SAMMSON: variants seen among roughly 807,000 people sequenced by gnomAD.
The protein encoded by SAMMSON is survival associated mitochondrial melanoma specific oncogenic non-coding RNA.
chr3:70,016,090 T>G (rs191464589), intron 3 of SAMMSON, among the ~76,000 whole-genome samples: 371 of 152,284 alleles, frequency 2.4e-3, no homozygotes, highest in Non-Finnish European at 4.4e-3. Flanking sequence ...GTAATGGGAT[T>G]GCTGGGTCAA....
chr3:70,320,385 A>G (rs1308591946), intron 7 of SAMMSON, among the ~76,000 whole-genome samples: 1 of 152,060 alleles, frequency 6.6e-6, no homozygotes, highest in Non-Finnish European at 1.5e-5. Context: ...CCTCTTTTTT[A>G]AGCTAGAAAA....
At chr3:70,035,314 A>C (rs2067081315) in intron 3 of SAMMSON, among the ~76,000 whole-genome samples, 2 of 152,102 alleles carry the variant, frequency 1.3e-5, no homozygotes, top group Non-Finnish European at 2.9e-5. Context: ...TTTCACACTG[A>C]AAATCTATTT....
At chr3:70,062,490 T>C (rs550896534) in intron 3 of SAMMSON, among the ~76,000 whole-genome samples, 98 of 152,128 alleles carry the variant, frequency 6.4e-4, no homozygotes, top group Non-Finnish European at 1.3e-3. Flanking sequence ...CTCACTGTTC[T>C]ATCCTCAGGC....
At chr3:70,412,703 A>G (rs1701229847) in intron 2 of SAMMSON, among the ~76,000 whole-genome samples, 1 of 152,168 alleles carries the variant, frequency 6.6e-6, no homozygotes, top group Non-Finnish European at 1.5e-5. Context: ...AGATGGAAAT[A>G]GTTGGTAGAT....
intron 9 of SAMMSON, among the ~76,000 whole-genome samples, chr3:70,382,059 A>G (rs1350301527): frequency 2.0e-5 from 3 of 152,166 alleles, no homozygotes; most frequent in Non-Finnish European, 2.9e-5. Context: ...ATTTAGAAAT[A>G]AAATAGCGTG....
chr3:70,420,427 T>C (rs1050086902), intron 2 of SAMMSON, among the ~76,000 whole-genome samples: 1 of 152,208 alleles, frequency 6.6e-6, no homozygotes, highest in African/African-American at 2.4e-5. Flanking sequence ...AAAGTGACTG[T>C]CTCATAGTGT....
chr3:70,062,106 A>G (rs2067192813), intron 3 of SAMMSON, among the ~76,000 whole-genome samples: 1 of 152,034 alleles, frequency 6.6e-6, no homozygotes, highest in South Asian at 2.1e-4. Context: ...AGCACATTGC[A>G]ACCCCATAGT....
chr3:70,382,622 A>G (rs1300568629), intron 9 of SAMMSON, among the ~76,000 whole-genome samples: 1 of 152,114 alleles, frequency 6.6e-6, no homozygotes, highest in Non-Finnish European at 1.5e-5. Flanking sequence ...ATTTTTTTCA[A>G]GCAGATAGCA....
chr3:70,119,127 C>T (rs932144345), intron 4 of SAMMSON, among the ~76,000 whole-genome samples: 10 of 152,168 alleles, frequency 6.6e-5, no homozygotes, highest in South Asian at 4.2e-4. Flanking sequence ...AGTGCCATGG[C>T]GTGATGTCGG....
At chr3:70,104,780 G>A (rs2067360663) in intron 4 of SAMMSON, among the ~76,000 whole-genome samples, 1 of 152,126 alleles carries the variant, frequency 6.6e-6, no homozygotes, top group Admixed American at 6.5e-5. Flanking sequence ...CTATGTGTGG[G>A]TATGTTGGAA....
chr3:70,141,532 A>G (rs1429011379), intron 4 of SAMMSON, among the ~76,000 whole-genome samples: 1 of 151,134 alleles, frequency 6.6e-6, no homozygotes, highest in African/African-American at 2.4e-5. Flanking sequence ...ACACTCTCAT[A>G]AATACCCCCA....
intron 3 of SAMMSON, among the ~76,000 whole-genome samples, chr3:70,033,666 A>G (rs114117750): frequency 5.3e-4 from 81 of 152,258 alleles, no homozygotes; most frequent in African/African-American, 1.7e-3. Context: ...TTATGAGACT[A>G]TTGTAACAGG....
At chr3:70,249,082 C>T (rs1701735315) in intron 4 of SAMMSON, 1 of 152,152 alleles carries the variant, frequency 6.6e-6, no homozygotes, top group South Asian at 2.1e-4. Flanking sequence ...CTTCTAACCA[C>T]AAAGTCCCTG....
rs187929807 is a variant in SAMMSON at position 70,051,462 on chromosome 3, A to G, written n.418-20014A>G. ...TTGCCATTCTAATGGCAAAAACCACAATTACTTTTTGCACCAACCTAATAG... is the reference window on the plus strand; with the variant it reads ...TTGCCATTCTAATGGCAAAAACCACGATTACTTTTTGCACCAACCTAATAG... On this transcript the variant is annotated intron_variant and non_coding_transcript_variant, in intron 3 of 9. Transcript: ENST00000642114. Among the ~76,000 whole-genome samples, 1,062 of 146,974 alleles carry G rather than the reference A, an allele frequency of 7.2e-3. 8 individuals carry two copies. The highest frequency in any genetic ancestry group is 0.025 in the African/African-American group (993 of 40,336).
intron 7 of SAMMSON, among the ~76,000 whole-genome samples, chr3:70,298,843 G>T (rs1183800038): frequency 6.6e-6 from 1 of 152,080 alleles, no homozygotes. Context: ...CTTGGGACCT[G>T]GTCCTGTTGT....
intron 4 of SAMMSON, among the ~76,000 whole-genome samples, chr3:70,199,551 T>C (rs528027273): frequency 4.7e-4 from 72 of 152,266 alleles, no homozygotes; most frequent in African/African-American, 1.6e-3. Context: ...GTAACATTAA[T>C]GAATTGAAAA....
chr3:70,248,462 G>T (rs1575606209), intron 4 of SAMMSON, among the ~76,000 whole-genome samples: 1 of 152,062 alleles, frequency 6.6e-6, no homozygotes, highest in Non-Finnish European at 1.5e-5. Context: ...AGGGTAGAAA[G>T]AATGCCAGGA....
At chr3:70,362,408 C>T (rs1169958901) in intron 9 of SAMMSON, among the ~76,000 whole-genome samples, 3 of 152,078 alleles carry the variant, frequency 2.0e-5, no homozygotes, top group Non-Finnish European at 4.4e-5. Flanking sequence ...ACACGTATGT[C>T]TTTGACCTTA....
In SAMMSON at chr3:70,220,325, G is replaced by T. The variant is rs116049925; in HGVS notation, n.508-28782G>T. The stretch of plus-strand genomic sequence containing the variant: ...TCATGCCTGTAATCCCAGTGCTTTG[G>T]GAGGCCGAGGTGAGAGGATAACTTG... On this transcript the variant is annotated intron_variant and non_coding_transcript_variant, in intron 4 of 9. Transcript: ENST00000642114. Among the ~76,000 whole-genome samples the T allele has an allele frequency of 9.4e-3, 1,426 of 152,164 alleles. 21 individuals carry two copies. Among genetic ancestry groups the T allele is most frequent in the African/African-American group, 0.032 (1,346 of 41,492 alleles).
Sources: allele counts gnomAD v4.1 joint callset (sites outside exome capture counted in the v4.1 genomes callset), GRCh38; gene constraint gnomAD v4.1.1; transcripts MANE v1.5; gene names NCBI Gene and HGNC (gene_info 2026-07-23, HGNC 2026-07-21).